The following ZNF276 variants were observed in gnomAD, a reference collection of about 807,000 sequenced individuals.
The protein encoded by ZNF276 is zinc finger protein 276.
In ZNF276, 59 loss-of-function variants were observed where a neutral mutation model predicts 63.9. The ratio of observed to expected loss-of-function variants is 0.92; its 90% CI spans 0.75 to 1.15. The LOEUF is 1.15. ZNF276 is among the 50% of genes most tolerant of loss of function. ZNF276 has a pLI of 0.00. For missense variants in ZNF276, 1,084 were observed against 843.8 expected (o/e 1.28, Z -3.53); for synonymous variants, 496 against 348.4 (o/e 1.42, Z -4.72).
rs759521427 is a variant in ZNF276, at chr16:89,739,096, G to C, written c.*850G>C. On this transcript the variant is annotated 3_prime_UTR_variant, in exon 11 of 11. Transcript: ENST00000443381. ...GGCAGAAGGAGCCTCCGGCTGGGGG[G>C]AGCTCCCCTGGAGGTGGGACTGGCC... is the stretch of plus-strand genomic sequence containing the variant. The C allele has an allele frequency of 6.2e-7, 1 of 1,613,878 alleles. No individual in the cohort carries two copies. Among genetic ancestry groups the C allele is most frequent in the South Asian group, 1.1e-5 (1 of 91,070 alleles).
chr16:89,733,445 G>A (rs1304290882), intron 7 of ZNF276, 33 bp downstream of exon 7: 4 of 1,614,136 alleles, frequency 2.5e-6, no homozygotes, highest in Non-Finnish European at 3.4e-6. Flanking sequence ...CGCCCTGCCT[G>A]TCGGGGCCGG....
Position 89,740,142 on chromosome 16 carries a change from T to C in ZNF276, c.*1896T>C, listed in dbSNP as rs746545180. The C allele has an allele frequency of 6.6e-7, 1 of 1,504,140 alleles. No homozygotes were observed. The highest frequency in any genetic ancestry group is 9.3e-7 in the Non-Finnish European group (1 of 1,080,744). 93.2% of individuals were successfully genotyped at this position (1,504,140 alleles called of 1,614,324 possible). A position where few individuals can be genotyped will look rare whatever the true frequency, so the allele number is the denominator to read the frequency against. On this transcript the variant is annotated 3_prime_UTR_variant, in exon 11 of 11. Coordinates refer to ENST00000443381, the MANE Select transcript of ZNF276 (RefSeq NM_001113525.2). The stretch of plus-strand genomic sequence containing the variant: ...CCAACCCTGAGAATGGCCGACCTGG[T>C]GCTCCCATGGGTAGGAGGGTACAGC...
At chr16:89,733,177 GGTCA>G in intron 6 of ZNF276, 121 bp from the exon 7 acceptor site, 3 of 888,290 alleles carry the variant, frequency 3.4e-6, no homozygotes, top group Non-Finnish European at 3.5e-6. Flanking sequence ...AGATTCTGAG[GGTCA>G]GTCAGCACAG....
intron 6 of ZNF276, chr16:89,732,980 C>A (rs533272471): frequency 8.4e-6 from 3 of 357,176 alleles, no homozygotes; most frequent in South Asian, 7.0e-5. Flanking sequence ...CTGCTGTGTT[C>A]GCCCTGACCC....
Position 89,740,882 on chromosome 16 carries a change from T to C in ZNF276, c.*2636T>C. The stretch of plus-strand genomic sequence containing the variant: ...AAACCAATAGCTGTAAATAAAAACG[T>C]GCACTTATTATTACATTAAAATTAC... On this transcript the variant is annotated 3_prime_UTR_variant, in exon 11 of 11. Coordinates refer to ENST00000443381, the MANE Select transcript of ZNF276 (RefSeq NM_001113525.2). 3 of 1,603,786 alleles carry C rather than the reference T, an allele frequency of 1.9e-6. No individual in the cohort carries two copies. Among genetic ancestry groups the C allele is most frequent in the Non-Finnish European group, 2.6e-6 (3 of 1,172,734 alleles).
chr16:89,733,095 G>T (rs542537777), intron 6 of ZNF276: 2 of 591,470 alleles, frequency 3.4e-6, no homozygotes, highest in Non-Finnish European at 6.1e-6. Context: ...TGTGTCCTGC[G>T]CCCTTGCCCT....
Position 89,739,833 on chromosome 16 carries a change from T to G in ZNF276, c.*1587T>G, listed in dbSNP as rs2062082095. 2 of 1,486,044 alleles carry G rather than the reference T, an allele frequency of 1.3e-6. No individual in the cohort carries two copies. Among genetic ancestry groups the G allele is most frequent in the Non-Finnish European group, 1.8e-6 (2 of 1,121,292 alleles). The allele number at this position is 1,486,044 out of a possible 1,614,324, so 92.1% of individuals were successfully genotyped here. A position where few individuals can be genotyped will look rare whatever the true frequency, so the allele number is the denominator to read the frequency against. ...TGACCAGTGAGCCAGTAAATTATCT[T>G]ATTGCTTTAAACAAGTTTGTGCTTA... On this transcript the variant is annotated 3_prime_UTR_variant, in exon 11 of 11. Transcript: ENST00000443381.
At position 89,737,991 on chromosome 16, in the gene ZNF276, G is replaced by T; in HGVS notation, c.1590G>T (p.Gly530=). 2 of 1,614,182 alleles carry T rather than the reference G, an allele frequency of 1.2e-6. No homozygotes were observed. The highest frequency in any genetic ancestry group is 8.5e-7 in the Non-Finnish European group (1 of 1,180,042). ...GAKPLQCEVC[G]FQCRQRASLK... ...TGTCCCCCAGGTGTGAGGTCTGTGG[G>T]TTCCAGTGCAGGCAGCGGGCATCCC... Residue 530 remains glycine, a synonymous_variant, in exon 11 of 11, where the codon GGG becomes GGT. Transcript: ENST00000443381.
chr16:89,722,013 C>T (rs1180439125), intron 1 of ZNF276, among the ~76,000 whole-genome samples, 168 bp downstream of exon 1: 2 of 152,212 alleles, frequency 1.3e-5, no homozygotes, highest in South Asian at 4.1e-4. Context: ...CTCGGTTTTC[C>T]TCGCGCTCCG....
chr16:89,727,676 A>T (rs1312903896), intron 5 of ZNF276, among the ~76,000 whole-genome samples: 1 of 152,232 alleles, frequency 6.6e-6, no homozygotes, highest in Non-Finnish European at 1.5e-5. Flanking sequence ...AGGCAGCTCC[A>T]GAGGGAGCCT....
Position 89,740,711 on chromosome 16 carries a change from A to C in ZNF276, c.*2465A>C. On this transcript the variant is annotated 3_prime_UTR_variant, in exon 11 of 11. Transcript: ENST00000443381. ...CGCAAACACAAGGAGCTCCTGAGCT[A>C]GTCTGGAAACCCTGACTTGGAAGCT... 1.0e-6 allele frequency: 1 copy of C among 1,002,636 alleles called. No individual in the cohort carries two copies. The allele number at this position is 1,002,636 out of a possible 1,614,324, so 62.1% of individuals were successfully genotyped here.
In ZNF276 at chr16:89,732,547, C is replaced by T. The variant is rs974017608; in HGVS notation, c.1170-755C>T. On this transcript the variant is annotated intron_variant, in intron 6 of 10. Coordinates refer to ENST00000443381, the MANE Select transcript of ZNF276 (RefSeq NM_001113525.2). Reference sequence around the variant, plus strand: ...ACATCCCTGTTCTGCCGTCCTGATACCTCTAGTTGTGGGTTTTATGTGTAG... The same window carrying T: ...ACATCCCTGTTCTGCCGTCCTGATATCTCTAGTTGTGGGTTTTATGTGTAG... 20 of 159,976 alleles carry T rather than the reference C, an allele frequency of 1.3e-4. 1 individual carries two copies. The South Asian group carries it at 1.3e-3, about 10-fold the overall frequency. The allele number at this position is 159,976 out of a possible 1,614,324, so 9.9% of individuals were successfully genotyped here.
intron 5 of ZNF276, among the ~76,000 whole-genome samples, chr16:89,728,129 G>A (rs1045706021): frequency 6.6e-6 from 1 of 152,182 alleles, no homozygotes; most frequent in African/African-American, 2.4e-5. Flanking sequence ...AGGCACCTGG[G>A]GTGGCTAAGA....
chr16:89,729,323 G>C lies in ZNF276; in HGVS notation c.1169+5G>C. ...TGAGCCTTACCCAGAAAGGAAGTAAGTGGGCAGCCCGGGGTCTGCTGGAGG... is the reference window on the plus strand; with the variant it reads ...TGAGCCTTACCCAGAAAGGAAGTAACTGGGCAGCCCGGGGTCTGCTGGAGG... On this transcript the variant is annotated splice_donor_5th_base_variant and intron_variant, in intron 6 of 10. Transcript: ENST00000443381. 1 of 1,614,034 alleles carries C rather than the reference G, an allele frequency of 6.2e-7. No homozygotes were observed. Among genetic ancestry groups the C allele is most frequent in the African/African-American group, 1.3e-5 (1 of 75,068 alleles).
At chr16:89,729,545 G>C (rs575293629) in intron 6 of ZNF276, among the ~76,000 whole-genome samples, 15 of 152,188 alleles carry the variant, frequency 9.9e-5, no homozygotes, top group African/African-American at 3.6e-4. Flanking sequence ...ACCTGGTCTC[G>C]GCACTGTGAG....
At position 89,722,807 on chromosome 16, in the gene ZNF276, C is replaced by T. The variant is rs746880980; in HGVS notation, c.482C>T (p.Pro161Leu). The change falls in exon 2 of 11, where the codon CCG (proline) becomes CTG (leucine). Residue 161 changes from proline to leucine, a missense_variant. Pro to Leu is a moderately conservative substitution (Grantham distance 98, BLOSUM62 -3). Coordinates refer to ENST00000443381, the MANE Select transcript of ZNF276 (RefSeq NM_001113525.2). ...KSFLQRVNAS[P>L]AGRRKPCAKV... is the part of the protein sequence containing the mutation. The stretch of plus-strand genomic sequence containing the variant: ...TTCCTGCAGAGGGTCAACGCCTCCC[C>T]GGCTGGTCGCCGGAAGCCTTGTGCA... 4 of 1,604,924 alleles carry T rather than the reference C, an allele frequency of 2.5e-6. No homozygotes were observed. Among genetic ancestry groups the T allele is most frequent in the Non-Finnish European group, 3.4e-6 (4 of 1,179,904 alleles).
In ZNF276 at chr16:89,722,903, G is replaced by T; in HGVS notation, c.509+69G>T. 6.4e-7 allele frequency: 1 copy of T among 1,563,580 alleles called. No individual in the cohort carries two copies. Among genetic ancestry groups the T allele is most frequent in the Admixed American group, 1.7e-5 (1 of 57,432 alleles). ...GCAGTGTGACGGGTGTTGAGAGAGG[G>T]ACAGGGCGTGCCTCCGCGGGAGCCT... On this transcript the variant is annotated intron_variant, in intron 2 of 10. Transcript: ENST00000443381.
intron 9 of ZNF276, among the ~76,000 whole-genome samples, chr16:89,735,910 T>TC (rs2061858360): frequency 7.0e-6 from 1 of 141,902 alleles, no homozygotes; most frequent in Admixed American, 7.0e-5. Flanking sequence ...TTTGTTTTTT[T>TC]GACTGAGTCT....
At position 89,723,360 on chromosome 16, in the gene ZNF276, A is replaced by G. The variant is rs1339558079; in HGVS notation, c.657A>G (p.Thr219=). 1.1e-5 allele frequency: 18 copies of G among 1,612,896 alleles called. No homozygotes were observed. The highest frequency in any genetic ancestry group is 1.4e-5 in the Non-Finnish European group (17 of 1,180,036). ...GGGCCCTGCCCCACCTTCAGAGGAC[A>G]CTGTCCTCCGAGTACTGCGGCGTCA... ...SCGALPHLQR[T]LSSEYCGVIQ... The change falls in exon 4 of 11, where the codon ACA becomes ACG. Residue 219 remains threonine (T), a synonymous_variant. Transcript: ENST00000443381.
Sources: gnomAD v4.1 joint callset for allele counts (sites outside exome capture counted in the v4.1 genomes callset) on GRCh38, gnomAD v4.1.1 for gene constraint, MANE v1.5 for transcripts, NCBI Gene and HGNC (gene_info 2026-07-23, HGNC 2026-07-21) for gene names.